Variants in RALGPS1 observed in about 807,000 individuals in gnomAD.
The protein encoded by RALGPS1 is Ral GEF with PH domain and SH3 binding motif 1.
RALGPS1 carries 19 observed loss-of-function variants against 78.8 expected under a neutral mutation model. The ratio of observed to expected loss-of-function variants is 0.24; its 90% CI spans 0.17 to 0.35. The LOEUF (loss-of-function observed/expected upper bound fraction) is 0.35, where lower values mean the gene tolerates loss of function less well. Among genes scored for constraint, RALGPS1 ranks in the 10% least tolerant of loss-of-function variants. The probability of loss-of-function intolerance (pLI) is 1.00; values close to 1 mark genes in which losing one functional copy is unlikely to be tolerated. For synonymous variants in RALGPS1, 228 were observed against 256.3 expected, an observed-to-expected ratio of 0.89 and a Z score of 1.06; for missense variants, 454 against 688.3, an observed-to-expected ratio of 0.66 and a Z score of 3.81.
At chr9:126,961,527 G>C (rs1359819830) in intron 1 of RALGPS1, among the ~76,000 whole-genome samples, 2 of 152,200 alleles carry the variant, frequency 1.3e-5, no homozygotes, top group Non-Finnish European at 2.9e-5. Flanking sequence ...ATCAAGGCTG[G>C]ATGCGGTGGC....
chr9:127,121,382 A>G lies in RALGPS1; in HGVS notation c.611-44687A>G, dbSNP rs922215197. Reference sequence around the variant, plus strand: ...CCCTACTCTGCCTCCATTTGGAAAAATACATGTGGGGAGCATTTGGCCGGC... The same window carrying G: ...CCCTACTCTGCCTCCATTTGGAAAAGTACATGTGGGGAGCATTTGGCCGGC... On this transcript the variant is annotated intron_variant, in intron 8 of 18. Transcript: ENST00000259351. Among the ~76,000 whole-genome samples, 6 of 152,320 alleles carry G rather than the reference A, an allele frequency of 3.9e-5. 1 individual carries two copies. The East Asian group carries it at 1.2e-3, about 29-fold the overall frequency.
At chr9:127,020,676 T>C (rs574083247) in intron 4 of RALGPS1, among the ~76,000 whole-genome samples, 3 of 152,314 alleles carry the variant, frequency 2.0e-5, no homozygotes, top group African/African-American at 7.2e-5. Context: ...ACCACAGCTA[T>C]AGTATGAGCT....
chr9:126,937,633 C>CAGTGTG (rs1170714346), intron 1 of RALGPS1, among the ~76,000 whole-genome samples: 1 of 152,192 alleles, frequency 6.6e-6, no homozygotes, highest in East Asian at 1.9e-4. Flanking sequence ...CCTCCTGACC[C>CAGTGTG]AGTGTGGTTG....
chr9:127,063,632 T>C (rs1476538939), intron 7 of RALGPS1, among the ~76,000 whole-genome samples: 1 of 152,246 alleles, frequency 6.6e-6, no homozygotes. Context: ...TTGTCATTGA[T>C]TTCTTTCTCC....
intron 17 of RALGPS1, among the ~76,000 whole-genome samples, 157 bp downstream of exon 17, chr9:127,213,206 C>T (rs2130946809): frequency 1.3e-5 from 2 of 152,314 alleles, no homozygotes; most frequent in Non-Finnish European, 2.9e-5. Flanking sequence ...TCCACAAAAG[C>T]TGCATAGATC....
At chr9:127,113,076 TG>T (rs1284853734) in intron 8 of RALGPS1, among the ~76,000 whole-genome samples, 1 of 152,102 alleles carries the variant, frequency 6.6e-6, no homozygotes, top group African/African-American at 2.4e-5. Flanking sequence ...CTAGGCTTAG[TG>T]GGGGTGACTC....
At chr9:126,966,520 C>CAAAAAAAA (rs756980868) in intron 3 of RALGPS1, among the ~76,000 whole-genome samples, 1 of 53,414 alleles carries the variant, frequency 1.9e-5, no homozygotes. Context: ...AACCCTGTCT[C>CAAAAAAAA]AAAAAAAAAA....
intron 1 of RALGPS1, among the ~76,000 whole-genome samples, chr9:126,943,748 T>C (rs537645254): frequency 1.0e-3 from 154 of 152,294 alleles, no homozygotes; most frequent in African/African-American, 3.3e-3. Flanking sequence ...CTGCCCCTTT[T>C]CCAACCAGAC....
At chr9:127,210,364 A>G (rs1228637174) in intron 14 of RALGPS1, 17 of 355,314 alleles carry the variant, frequency 4.8e-5, no homozygotes, top group Non-Finnish European at 8.9e-5. Context: ...AGTGTTTGCT[A>G]TGAAACATCT....
chr9:127,108,591 C>T (rs933882845), intron 8 of RALGPS1: 26 of 1,613,420 alleles, frequency 1.6e-5, no homozygotes, highest in Admixed American at 8.3e-5. Context: ...GGGACTCGCC[C>T]GCCCGCTTGT....
intron 8 of RALGPS1, among the ~76,000 whole-genome samples, chr9:127,114,481 C>T (rs765598046): frequency 3.3e-5 from 5 of 152,336 alleles, no homozygotes; most frequent in South Asian, 2.1e-4. Context: ...TTCTCTGACC[C>T]TCTAGGCAGG....
rs1300723805 is a variant in RALGPS1 at position 127,221,261 on chromosome 9, C to T, written c.*2492C>T. Reference sequence around the variant, plus strand: ...AAGGCGGGAAAGTCCATGGGTAGACCCTCCCCCTGGAGGGAAGCATTTCTA... The same window carrying T: ...AAGGCGGGAAAGTCCATGGGTAGACTCTCCCCCTGGAGGGAAGCATTTCTA... On this transcript the variant is annotated 3_prime_UTR_variant, in exon 19 of 19. Coordinates refer to ENST00000259351, the MANE Select transcript of RALGPS1 (RefSeq NM_014636.3). 6.6e-6 allele frequency: 1 copy of T among 152,194 alleles called. No individual in the cohort carries two copies. The highest frequency in any genetic ancestry group is 1.5e-5 in the Non-Finnish European group (1 of 68,046). The allele number at this position is 152,194 out of a possible 1,614,324, so 9.4% of individuals were successfully genotyped here.
chr9:126,938,613 T>C (rs1261426423), intron 1 of RALGPS1, among the ~76,000 whole-genome samples: 3 of 152,236 alleles, frequency 2.0e-5, no homozygotes, highest in Non-Finnish European at 4.4e-5. Flanking sequence ...GCTTCTTATT[T>C]GTACACCCCT....
At chr9:127,107,766 A>C (rs2054360541) in intron 8 of RALGPS1, 1 of 725,998 alleles carries the variant, frequency 1.4e-6, no homozygotes, top group Non-Finnish European at 2.1e-6. Context: ...TGGCTCCAGC[A>C]GCTCAGCCCA....
chr9:127,072,614 C>A (rs570115781), intron 8 of RALGPS1, among the ~76,000 whole-genome samples: 3 of 152,064 alleles, frequency 2.0e-5, no homozygotes, highest in African/African-American at 7.2e-5. Flanking sequence ...AATGTAAGAT[C>A]GGTTTTTATA....
At chr9:127,007,471 C>T (rs1233938615) in intron 4 of RALGPS1, among the ~76,000 whole-genome samples, 1 of 152,070 alleles carries the variant, frequency 6.6e-6, no homozygotes, top group African/African-American at 2.4e-5. Context: ...ATGGTAGGGG[C>T]TGTCGGGGGA....
At chr9:126,934,540 C>A (rs904263265) in intron 1 of RALGPS1, among the ~76,000 whole-genome samples, 1 of 152,232 alleles carries the variant, frequency 6.6e-6, no homozygotes, top group African/African-American at 2.4e-5. Context: ...GGGACTGAGG[C>A]GCTGCAGAGT....
At chr9:127,106,790 C>T (rs1721284562) in intron 8 of RALGPS1, 1 of 152,264 alleles carries the variant, frequency 6.6e-6, no homozygotes, top group Admixed American at 6.5e-5. Context: ...TTCAGCCCCT[C>T]TTTGGAATTA....
At chr9:126,960,346 G>T (rs1160029850) in intron 1 of RALGPS1, among the ~76,000 whole-genome samples, 1 of 150,708 alleles carries the variant, frequency 6.6e-6, no homozygotes, top group African/African-American at 2.4e-5. Flanking sequence ...CAATTCTCTT[G>T]CCTCAGCTTC....
Sources: allele counts gnomAD v4.1 joint callset (sites outside exome capture counted in the v4.1 genomes callset), GRCh38; gene constraint gnomAD v4.1.1; transcripts MANE v1.5; gene names NCBI Gene and HGNC (gene_info 2026-07-23, HGNC 2026-07-21).